The following LMLN variants were observed in gnomAD, a reference collection of about 807,000 sequenced individuals.
LMLN encodes the protein leishmanolysin like peptidase, also known as leishmanolysin-like peptidase.
In LMLN, 70 loss-of-function variants were observed where a neutral mutation model predicts 92.3. The ratio of observed to expected loss-of-function variants is 0.76; its 90% confidence interval spans 0.63 to 0.92. The LOEUF (loss-of-function observed/expected upper bound fraction) is 0.92. LMLN is among the 40% of genes least tolerant of loss of function. The pLI is 0.00. For synonymous variants in LMLN, 308 were observed against 296.2 expected, an observed-to-expected ratio of 1.04 and a Z score of -0.41; for missense variants, 691 against 814.6, an observed-to-expected ratio of 0.85 and a Z score of 1.85.
exon 16 of LMLN, chr3:198,038,771 T>C: frequency 1.2e-6 from 1 of 865,554 alleles, no homozygotes; most frequent in Non-Finnish European, 1.9e-6. Flanking sequence ...AGAAGTGGCA[T>C]TCCTGGCTTT....
At chr3:198,029,491 G>A (rs1477498272) in intron 14 of LMLN, among the ~76,000 whole-genome samples, 1 of 152,092 alleles carries the variant, frequency 6.6e-6, no homozygotes, top group African/African-American at 2.4e-5. Context: ...AGGCAACATG[G>A]TGAAACCCTG....
chr3:197,999,145 G>A (rs1294380122), intron 10 of LMLN, 121 bp from the exon 11 acceptor site: 1 of 708,576 alleles, frequency 1.4e-6, no homozygotes, highest in African/African-American at 1.8e-5. Context: ...CCACTTTTAA[G>A]TGAATGTCTT....
At chr3:197,970,010 G>T (rs529017758) in intron 1 of LMLN, among the ~76,000 whole-genome samples, 1 of 151,916 alleles carries the variant, frequency 6.6e-6, no homozygotes, top group Admixed American at 6.6e-5. Flanking sequence ...AAATTAGCTG[G>T]GCATGGTGGC....
In LMLN at chr3:198,025,127, T is replaced by G. The variant is rs1328210771; in HGVS notation, c.1656+339T>G. ...TTTTATTTCAAAAGGTCTGAGGACCTCATGGGTTATAAGAATTAGTAAATC... is the reference window on the plus strand; with the variant it reads ...TTTTATTTCAAAAGGTCTGAGGACCGCATGGGTTATAAGAATTAGTAAATC... On this transcript the variant is annotated intron_variant, in intron 14 of 15. Transcript: ENST00000330198. The surrounding 1 kb of genome is among the most constrained non-coding windows in gnomAD (Gnocchi z 4.3). Among the ~76,000 whole-genome samples the G allele has an allele frequency of 2.0e-5, 3 of 152,174 alleles. No homozygotes were observed. The highest frequency in any genetic ancestry group is 2.9e-5 in the Non-Finnish European group (2 of 68,030).
chr3:197,969,087 C>CTT (rs879484358), intron 1 of LMLN, among the ~76,000 whole-genome samples: 1 of 144,558 alleles, frequency 6.9e-6, no homozygotes. Flanking sequence ...TTCTCTCTGT[C>CTT]TTTTTTTTTT....
chr3:198,022,146 A>G (rs1477834800), intron 13 of LMLN, among the ~76,000 whole-genome samples: 1 of 152,202 alleles, frequency 6.6e-6, no homozygotes, highest in African/African-American at 2.4e-5. Context: ...TGTGCATTTT[A>G]TGTAAGATAG....
chr3:198,021,219 T>C (rs113254468), intron 12 of LMLN, among the ~76,000 whole-genome samples: 16 of 152,328 alleles, frequency 1.1e-4, no homozygotes, highest in African/African-American at 3.4e-4. Flanking sequence ...GATATATAAC[T>C]TAAGACTCAT....
chr3:198,021,751 C>G, intron 13 of LMLN, 146 bp downstream of exon 14: 1 of 631,134 alleles, frequency 1.6e-6, no homozygotes, highest in South Asian at 2.4e-5. Flanking sequence ...TAAGAAGTGA[C>G]TTAACTTTTC....
rs1342241311 is a variant in LMLN, at chr3:198,042,330, A to C, written c.*3663A>C. 2.6e-5 allele frequency: 4 copies of C among 152,068 alleles called. No individual in the cohort carries two copies. Among genetic ancestry groups the C allele is most frequent in the Non-Finnish European group, 2.9e-5 (2 of 68,030 alleles). The allele number at this position is 152,068 out of a possible 1,614,324, so 9.4% of individuals were successfully genotyped here. On this transcript the variant is annotated 3_prime_UTR_variant, in exon 16 of 16. Coordinates refer to ENST00000330198, the Ensembl canonical transcript of LMLN. The surrounding 1 kb of genome is among the most constrained non-coding windows in gnomAD (Gnocchi z 4.2). ...ATCACGAGATCAGGAGTTTGAGGTT[A>C]CAGTGAGCTGATCGCACCACTGCAC...
rs9834734 is a variant in LMLN at position 198,019,897 on chromosome 3, G to A, written c.1365+512G>A. 0.37 allele frequency among the ~76,000 whole-genome samples: 56,639 copies of A among 151,936 alleles called. 14,859 individuals are homozygous for A. Among genetic ancestry groups the A allele is most frequent in the African/African-American group, 0.75 (31,172 of 41,448 alleles). ...TTTTTCCGAGACCGAGTCTCACTCT[G>A]TCGCCCAGGCTGGAGTGCAGTGGTG... On this transcript the variant is annotated intron_variant, in intron 12 of 15. Transcript: ENST00000330198. The surrounding 1 kb of genome is among the most constrained non-coding windows in gnomAD (Gnocchi z 5.5).
chr3:197,992,671 G>C (rs1721908787), intron 9 of LMLN, among the ~76,000 whole-genome samples: 1 of 152,124 alleles, frequency 6.6e-6, no homozygotes, highest in East Asian at 1.9e-4. Context: ...AGAAGCCCAG[G>C]ACCAGGTTCA....
At chr3:198,020,768 A>ATTTTTTTTTT (rs71166715) in intron 12 of LMLN, among the ~76,000 whole-genome samples, 363 of 32,832 alleles carry the variant, frequency 0.011, 45 homozygotes, top group Non-Finnish European at 0.015. Flanking sequence ...TAATTTTTGT[A>ATTTTTTTTTT]TTTTTTTTTT....
chr3:198,034,868 A>G (rs1328946418), intron 14 of LMLN, among the ~76,000 whole-genome samples: 1 of 152,112 alleles, frequency 6.6e-6, no homozygotes, highest in Non-Finnish European at 1.5e-5. Context: ...TTTGTTTATA[A>G]TAAACATTTT....
At position 197,985,726 on chromosome 3, in the gene LMLN, C is replaced by G. The variant is rs1721687921; in HGVS notation, c.835-70C>G. On this transcript the variant is annotated intron_variant, in intron 7 of 15. Coordinates refer to ENST00000330198, the Ensembl canonical transcript of LMLN. ...ACGTTCCCGTTAGTATCAGTGCTCT[C>G]TTTTGATCGCAGGCCTGTAATCAGC... The G allele has an allele frequency of 9.6e-6, 10 of 1,044,134 alleles. No homozygotes were observed. The South Asian group carries it at 1.3e-4, about 14-fold the overall frequency. 64.7% of individuals were successfully genotyped at this position (1,044,134 alleles called of 1,614,324 possible). A position where few individuals can be genotyped will look rare whatever the true frequency, so the allele number is the denominator to read the frequency against.
intron 1 of LMLN, among the ~76,000 whole-genome samples, chr3:197,963,827 T>C (rs1168270108): frequency 6.6e-6 from 1 of 152,182 alleles, no homozygotes; most frequent in Non-Finnish European, 1.5e-5. Context: ...TGAGCAAAAG[T>C]GAGATAGCAC....
Position 197,980,312 on chromosome 3 carries a change from T to C in LMLN, c.550-14T>C, listed in dbSNP as rs770136277. Reference sequence around the variant, plus strand: ...GTCTCTGTTCTGGCTTTCTGATGTCTCCCGTGGGTGCAGCAATGCCGGGTC... The same window carrying C: ...GTCTCTGTTCTGGCTTTCTGATGTCCCCCGTGGGTGCAGCAATGCCGGGTC... On this transcript the variant is annotated splice_polypyrimidine_tract_variant and intron_variant, in intron 5 of 15. Coordinates refer to ENST00000330198, the Ensembl canonical transcript of LMLN. The C allele has an allele frequency of 6.2e-7, 1 of 1,603,728 alleles. No individual in the cohort carries two copies. The highest frequency in any genetic ancestry group is 1.1e-5 in the South Asian group (1 of 90,676).
exon 1 of LMLN, chr3:197,960,327 T>C: frequency 6.2e-7 from 1 of 1,613,828 alleles, no homozygotes; most frequent in Non-Finnish European, 8.5e-7. Flanking sequence ...CGGGTCTGTG[T>C]GGGTCCGAAG....
chr3:197,991,532 C>T (rs1721871894), intron 9 of LMLN, among the ~76,000 whole-genome samples: 1 of 152,108 alleles, frequency 6.6e-6, no homozygotes, highest in Non-Finnish European at 1.5e-5. Context: ...GGCAGAATGA[C>T]TTCTTATTCA....
chr3:197,978,018 AATC>A (rs1332388523), intron 5 of LMLN, among the ~76,000 whole-genome samples: 1 of 152,186 alleles, frequency 6.6e-6, no homozygotes, highest in Non-Finnish European at 1.5e-5. Context: ...TACATATAAA[AATC>A]ATCAAACCAT....
Sources: allele counts gnomAD v4.1 joint callset (sites outside exome capture counted in the v4.1 genomes callset), GRCh38; gene constraint gnomAD v4.1.1; non-coding constraint Gnocchi (gnomAD v3.1); transcripts MANE v1.5; gene names NCBI Gene and HGNC (gene_info 2026-07-23, HGNC 2026-07-21).